Variants in ARHGAP8 observed in about 807,000 individuals in gnomAD.
ARHGAP8 encodes rho GTPase-activating protein 8.
ARHGAP8 carries 62 observed loss-of-function variants against 46.1 expected under a neutral mutation model. The observed-to-expected ratio is 1.34, with a 90% CI of 1.10 to 1.66. The LOEUF is 1.66. ARHGAP8 is among the 40% of genes most tolerant of loss of function. The pLI is 0.00. For missense variants in ARHGAP8, 923 were observed against 568.4 expected (o/e 1.62, Z -6.34); for synonymous variants, 375 against 243.1 (o/e 1.54, Z -5.05).
intron 10 of ARHGAP8, among the ~76,000 whole-genome samples, chr22:44,851,907 T>C (rs2070103545): frequency 6.6e-6 from 1 of 151,010 alleles, no homozygotes; most frequent in Non-Finnish European, 1.5e-5. Flanking sequence ...ATAAAGAAAA[T>C]GGGCCGGGTG....
chr22:44,814,623 G>A (rs1272477983), intron 4 of ARHGAP8, 49 bp from the exon 5 acceptor site: 1 of 1,569,356 alleles, frequency 6.4e-7, no homozygotes, highest in Admixed American at 1.8e-5. Context: ...GGCGTGGGGT[G>A]TTTCTCGGAG....
intron 7 of ARHGAP8, among the ~76,000 whole-genome samples, chr22:44,829,116 T>TAAAA (rs1395322288): frequency 5.9e-4 from 2 of 3,408 alleles, no homozygotes; most frequent in African/African-American, 1.2e-3. Context: ...CTACTAAAAA[T>TAAAA]ACAAAAAAAA....
intron 1 of ARHGAP8, among the ~76,000 whole-genome samples, chr22:44,761,644 G>A (rs1925140816): frequency 1.3e-5 from 2 of 152,184 alleles, no homozygotes; most frequent in Admixed American, 6.5e-5. Flanking sequence ...TATGAGTAAT[G>A]GATACAGGGA....
intron 1 of ARHGAP8, among the ~76,000 whole-genome samples, chr22:44,762,905 CTAGA>C (rs1317987541): frequency 6.6e-6 from 1 of 152,108 alleles, no homozygotes; most frequent in African/African-American, 2.4e-5. Context: ...AAGGAGGGGC[CTAGA>C]TAGCTTCAGG....
chr22:44,846,972 G>T (rs905444779), intron 8 of ARHGAP8, among the ~76,000 whole-genome samples: 6 of 152,212 alleles, frequency 3.9e-5, no homozygotes, highest in African/African-American at 1.4e-4. Flanking sequence ...TGACAGAAAG[G>T]CCCCAGAGAG....
intron 7 of ARHGAP8, among the ~76,000 whole-genome samples, chr22:44,825,829 G>C (rs971579040): frequency 7.3e-6 from 1 of 137,600 alleles, no homozygotes; most frequent in Admixed American, 7.3e-5. Context: ...CTCGCTGCTC[G>C]GTGCCTGGTT....
intron 4 of ARHGAP8, among the ~76,000 whole-genome samples, chr22:44,813,187 A>T (rs1318635805): frequency 6.6e-6 from 1 of 151,990 alleles, no homozygotes; most frequent in Non-Finnish European, 1.5e-5. Flanking sequence ...TTGGGGTGTT[A>T]TGGCTCCCAG....
chr22:44,784,855 T>C (rs1419372856), intron 1 of ARHGAP8, among the ~76,000 whole-genome samples: 1 of 152,186 alleles, frequency 6.6e-6, no homozygotes, highest in African/African-American at 2.4e-5. Flanking sequence ...TAGTAGGTAC[T>C]CAATGCATAT....
rs1162672637 is a variant in ARHGAP8, at chr22:44,856,914, A to C, written c.878-2817A>C. Among the ~76,000 whole-genome samples, 26 of 143,656 alleles carry C rather than the reference A, an allele frequency of 1.8e-4. 3 individuals are homozygous for C. The highest frequency in any genetic ancestry group is 6.7e-4 in the African/African-American group (24 of 35,828). 94.2% of individuals were successfully genotyped at this position (143,656 alleles called of 152,430 possible). A position where few individuals can be genotyped will look rare whatever the true frequency, so the allele number is the denominator to read the frequency against. On this transcript the variant is annotated intron_variant, in intron 10 of 11. Coordinates refer to ENST00000356099, the MANE Select transcript of ARHGAP8 (RefSeq NM_181335.3). Reference sequence around the variant, plus strand: ...CCTCACACAGTCGCGCTGCAGACAGAAATCTGGGAGGCTGACTTGAGTAAG... The same window carrying C: ...CCTCACACAGTCGCGCTGCAGACAGCAATCTGGGAGGCTGACTTGAGTAAG...
chr22:44,828,899 T>G (rs1930730023), intron 7 of ARHGAP8, among the ~76,000 whole-genome samples: 3 of 151,942 alleles, frequency 2.0e-5, no homozygotes, highest in African/African-American at 7.3e-5. Context: ...AGCTGGGAGA[T>G]TCCAGCCACG....
chr22:44,847,885 G>A lies in ARHGAP8; in HGVS notation c.671-88G>A, dbSNP rs1238449931. ...GTGTGGAGGCCAGCCACAGGTGGGT[G>A]ATGCCGTGGGCAGGGGAGTGTCATA... is the stretch of plus-strand genomic sequence containing the variant. On this transcript the variant is annotated intron_variant, in intron 8 of 11. Coordinates refer to ENST00000356099, the MANE Select transcript of ARHGAP8 (RefSeq NM_181335.3). The A allele has an allele frequency of 2.0e-6, 3 of 1,528,396 alleles. No individual in the cohort carries two copies. The African/African-American group carries it at 4.1e-5, about 21-fold the overall frequency. The allele number at this position is 1,528,396 out of a possible 1,614,324, so 94.7% of individuals were successfully genotyped here.
chr22:44,848,804 G>A (rs1261901026), intron 9 of ARHGAP8, 128 bp from the exon 10 acceptor site: 10 of 1,523,292 alleles, frequency 6.6e-6, no homozygotes, highest in Non-Finnish European at 8.8e-6. Context: ...ATCATCCCTA[G>A]GACACATGGC....
At chr22:44,766,605 A>G (rs1035978530) in intron 1 of ARHGAP8, among the ~76,000 whole-genome samples, 1 of 152,030 alleles carries the variant, frequency 6.6e-6, no homozygotes, top group Non-Finnish European at 1.5e-5. Flanking sequence ...TGTGTAAGAT[A>G]TGTGGAAAGT....
chr22:44,776,432 A>G (rs772561677), intron 1 of ARHGAP8, among the ~76,000 whole-genome samples: 17 of 148,216 alleles, frequency 1.1e-4, no homozygotes, highest in Non-Finnish European at 1.8e-4. Context: ...AGCCTGGACA[A>G]TAAGAGTGAA....
At chr22:44,771,242 ATTTTTTTTTTT>A (rs368256843) in intron 1 of ARHGAP8, among the ~76,000 whole-genome samples, 13 of 108,302 alleles carry the variant, frequency 1.2e-4, no homozygotes, top group Non-Finnish European at 1.8e-4. Flanking sequence ...TTGCAAGTAA[ATTTTTTTTTTT>A]TTTTTTTTTT....
At chr22:44,815,576 C>T (rs576705236) in intron 5 of ARHGAP8, among the ~76,000 whole-genome samples, 1 of 152,236 alleles carries the variant, frequency 6.6e-6, no homozygotes, top group South Asian at 2.1e-4. Context: ...CTTGGACACC[C>T]CCAGCCTGCT....
chr22:44,856,212 C>CA (rs527934064), intron 10 of ARHGAP8, among the ~76,000 whole-genome samples: 27 of 147,718 alleles, frequency 1.8e-4, no homozygotes, highest in Non-Finnish European at 3.6e-4. Flanking sequence ...TCCAACATAT[C>CA]AGAGTGCAGC....
intron 8 of ARHGAP8, among the ~76,000 whole-genome samples, chr22:44,847,622 C>T (rs2069989593): frequency 6.6e-6 from 1 of 152,186 alleles, no homozygotes; most frequent in African/African-American, 2.4e-5. Context: ...CGTGTCCAGT[C>T]CTCTCTGCAG....
At chr22:44,823,045 G>A (rs1182772391) in intron 6 of ARHGAP8, among the ~76,000 whole-genome samples, 1 of 152,254 alleles carries the variant, frequency 6.6e-6, no homozygotes, top group Non-Finnish European at 1.5e-5. Context: ...CTGCCCCTGT[G>A]TCTCCCTCTC....
Sources: allele counts gnomAD v4.1 joint callset (sites outside exome capture counted in the v4.1 genomes callset), GRCh38; gene constraint gnomAD v4.1.1; transcripts MANE v1.5; gene names NCBI Gene and HGNC (gene_info 2026-07-23, HGNC 2026-07-21).